Variants in GHR observed in about 807,000 individuals in gnomAD.
GHR encodes the protein GH receptor.
Under a neutral mutation model 67.1 loss-of-function variants are expected in GHR, and 35 were observed. The observed-to-expected ratio is 0.52, with a 90% CI of 0.40 to 0.69. GHR has a LOEUF of 0.69. GHR is among the 30% of genes least tolerant of loss of function. The pLI is 0.00. For missense variants in GHR, 792 were observed against 764.6 expected, an observed-to-expected ratio of 1.04 and a Z score of -0.42; for synonymous variants, 272 against 269.1, an observed-to-expected ratio of 1.01 and a Z score of -0.10.
At chr5:42,611,555 G>A (rs1752891512) in intron 2 of GHR, among the ~76,000 whole-genome samples, 1 of 152,112 alleles carries the variant, frequency 6.6e-6, no homozygotes, top group Non-Finnish European at 1.5e-5. Context: ...GGGACAAAAC[G>A]CACATGGTTT....
chr5:42,503,167 A>G (rs1746614284), intron 1 of GHR, among the ~76,000 whole-genome samples: 1 of 152,164 alleles, frequency 6.6e-6, no homozygotes, highest in Non-Finnish European at 1.5e-5. Flanking sequence ...CTTATGCTCA[A>G]CCTTCTGAGC....
chr5:42,474,126 T>C (rs936209139), intron 1 of GHR, among the ~76,000 whole-genome samples: 1 of 149,636 alleles, frequency 6.7e-6, no homozygotes, highest in African/African-American at 2.5e-5. Context: ...GAGGCAGAGG[T>C]AGTAGTGAGC....
intron 3 of GHR, among the ~76,000 whole-genome samples, chr5:42,655,837 G>C (rs1422366049): frequency 6.6e-6 from 1 of 151,724 alleles, no homozygotes. Flanking sequence ...ATAGTCTTTG[G>C]GATAATTTCC....
chr5:42,519,891 G>A (rs1000022285), intron 1 of GHR, among the ~76,000 whole-genome samples: 1 of 152,104 alleles, frequency 6.6e-6, no homozygotes, highest in African/African-American at 2.4e-5. Flanking sequence ...CATAAGTACA[G>A]TTGTTTTTGC....
chr5:42,459,823 A>T (rs774479871), intron 1 of GHR, among the ~76,000 whole-genome samples: 17 of 152,178 alleles, frequency 1.1e-4, no homozygotes, highest in Non-Finnish European at 1.5e-4. Context: ...AATTCAAACT[A>T]CTACTACTCC....
At chr5:42,699,376 C>A (rs1757823214) in intron 5 of GHR, among the ~76,000 whole-genome samples, 1 of 152,096 alleles carries the variant, frequency 6.6e-6, no homozygotes, top group Non-Finnish European at 1.5e-5. Context: ...GGGTCTCTGC[C>A]CCCAGGCCAT....
At chr5:42,662,115 G>C (rs1278830802) in intron 3 of GHR, among the ~76,000 whole-genome samples, 1 of 152,162 alleles carries the variant, frequency 6.6e-6, no homozygotes, top group Non-Finnish European at 1.5e-5. Flanking sequence ...CAAGTCCTGA[G>C]TGACCTACAA....
intron 1 of GHR, among the ~76,000 whole-genome samples, chr5:42,537,875 T>C (rs1748330735): frequency 1.3e-5 from 2 of 152,202 alleles, no homozygotes; most frequent in Admixed American, 1.3e-4. Context: ...TTGTGATATT[T>C]TCCTGTTGCA....
At chr5:42,676,122 T>C (rs889388150) in intron 3 of GHR, among the ~76,000 whole-genome samples, 4 of 151,928 alleles carry the variant, frequency 2.6e-5, no homozygotes, top group Non-Finnish European at 5.9e-5. Flanking sequence ...CAGTCTCTAC[T>C]AAAAATACAA....
At chr5:42,596,809 G>A (rs1752093719) in intron 2 of GHR, among the ~76,000 whole-genome samples, 1 of 152,134 alleles carries the variant, frequency 6.6e-6, no homozygotes, top group Non-Finnish European at 1.5e-5. Flanking sequence ...TTTCTTGGAT[G>A]CCAGCTTCCA....
intron 3 of GHR, among the ~76,000 whole-genome samples, chr5:42,642,733 A>T (rs1361084619): frequency 6.6e-6 from 1 of 152,164 alleles, no homozygotes; most frequent in East Asian, 1.9e-4. Context: ...TTAATAAGAG[A>T]AATGTATTCT....
intron 1 of GHR, among the ~76,000 whole-genome samples, chr5:42,557,327 C>T (rs200923056): frequency 1.3e-5 from 2 of 151,970 alleles, no homozygotes; most frequent in South Asian, 2.1e-4. Flanking sequence ...TTGTGGCTGG[C>T]GAAGAGCACA....
chr5:42,437,818 A>G (rs1012315897), intron 1 of GHR, among the ~76,000 whole-genome samples: 60 of 151,524 alleles, frequency 4.0e-4, no homozygotes, highest in Admixed American at 1.7e-3. Context: ...AGCCTCTCCA[A>G]GTGCTGGGAT....
In GHR at chr5:42,617,194, C is replaced by T. The variant is rs147203644; in HGVS notation, c.71-11844C>T. Among the ~76,000 whole-genome samples the T allele has an allele frequency of 4.0e-3, 609 of 151,356 alleles. 2 individuals are homozygous for T. Among genetic ancestry groups the T allele is most frequent in the African/African-American group, 0.014 (588 of 41,260 alleles). On this transcript the variant is annotated intron_variant, in intron 2 of 9. Transcript: ENST00000230882. ...GTTTGAAATGGTGTTGGGGGCCCAA[C>T]CATTTCTGGCTTCTATAGATCCCCT...
In GHR at chr5:42,456,609, C is replaced by A. The variant is rs150681185; in HGVS notation, c.-12+32654C>A. ...ATGTTTCTGAGTGGTAAAAATTAAACAAAGTAAACGAGTCTCCGTTTCATT... is the reference window on the plus strand; with the variant it reads ...ATGTTTCTGAGTGGTAAAAATTAAAAAAAGTAAACGAGTCTCCGTTTCATT... On this transcript the variant is annotated intron_variant, in intron 1 of 9. Transcript: ENST00000230882. Among the ~76,000 whole-genome samples the A allele has an allele frequency of 1.7e-3, 252 of 152,228 alleles. 1 individual carries two copies. The highest frequency in any genetic ancestry group is 3.4e-3 in the Middle Eastern group (1 of 294).
chr5:42,570,617 G>A (rs1750242042), intron 2 of GHR, among the ~76,000 whole-genome samples: 2 of 152,062 alleles, frequency 1.3e-5, no homozygotes, highest in South Asian at 4.1e-4. Context: ...AGTTCTACTA[G>A]CTTCAAACAA....
At chr5:42,628,074 C>A (rs1753793730) in intron 2 of GHR, among the ~76,000 whole-genome samples, 1 of 152,176 alleles carries the variant, frequency 6.6e-6, no homozygotes, top group Admixed American at 6.5e-5. Flanking sequence ...AGGCAAGCTC[C>A]TCTCAGCGTC....
At chr5:42,708,480 T>C (rs535146276) in intron 6 of GHR, among the ~76,000 whole-genome samples, 1 of 152,296 alleles carries the variant, frequency 6.6e-6, no homozygotes, top group East Asian at 1.9e-4. Flanking sequence ...ATCAATTTAT[T>C]ATTTTCAGTT....
At chr5:42,615,740 A>AC (rs1753112202) in intron 2 of GHR, among the ~76,000 whole-genome samples, 1 of 129,256 alleles carries the variant, frequency 7.7e-6, no homozygotes, top group Non-Finnish European at 1.6e-5. Flanking sequence ...AAAACAAAAA[A>AC]CAAAAAAAAA....
Sources: gnomAD v4.1 joint callset for allele counts (sites outside exome capture counted in the v4.1 genomes callset) on GRCh38, gnomAD v4.1.1 for gene constraint, MANE v1.5 for transcripts, NCBI Gene and HGNC (gene_info 2026-07-23, HGNC 2026-07-21) for gene names.